Variants in NECTIN3 observed in about 807,000 individuals in gnomAD.
NECTIN3 encodes nectin cell adhesion molecule 3.
A neutral mutation model predicts 49.4 loss-of-function variants in NECTIN3; 8 were observed. That is an observed-to-expected ratio of 0.16 (90% CI 0.10 to 0.29). NECTIN3 has a LOEUF of 0.29. NECTIN3 is among the 10% of genes least tolerant of loss of function. NECTIN3 has a pLI of 1.00. For missense variants in NECTIN3, 581 were observed against 654.6 expected, an observed-to-expected ratio of 0.89 and a Z score of 1.23; for synonymous variants, 277 against 241.1, an observed-to-expected ratio of 1.15 and a Z score of -1.38.
exon 1 of NECTIN3, chr3:111,192,403 T>C (rs1165930678): frequency 6.5e-7 from 1 of 1,535,638 alleles, no homozygotes; most frequent in Admixed American, 2.0e-5. Context: ...GTTGGCAATC[T>C]TCAGCACTCT....
chr3:111,188,938 T>C (rs1322019242), upstream of NECTIN3, among the ~76,000 whole-genome samples: 1 of 152,192 alleles, frequency 6.6e-6, no homozygotes, highest in East Asian at 1.9e-4. Flanking sequence ...AAACACTGTG[T>C]TCCTAGAATA....
At chr3:111,088,496 G>A (rs1472029838) in intron 1 of NECTIN3, among the ~76,000 whole-genome samples, 2 of 151,962 alleles carry the variant, frequency 1.3e-5, no homozygotes, top group East Asian at 1.9e-4. Context: ...AATTTTTATC[G>A]TGACTAGGTA....
intron 1 of NECTIN3, among the ~76,000 whole-genome samples, chr3:111,074,506 A>G (rs573590717): frequency 1.3e-5 from 2 of 152,202 alleles, no homozygotes; most frequent in South Asian, 4.2e-4. Flanking sequence ...TATGTTTGAT[A>G]TATAGCGTGG....
intron 7 of NECTIN3, among the ~76,000 whole-genome samples, chr3:111,186,649 A>T (rs1334146719): frequency 1.3e-5 from 2 of 152,216 alleles, no homozygotes; most frequent in African/African-American, 4.8e-5. Flanking sequence ...CTATGTAACA[A>T]ACCTGCATAT....
At chr3:111,072,576 C>T (rs149176258) in intron 1 of NECTIN3, 33 of 1,535,278 alleles carry the variant, frequency 2.1e-5, no homozygotes, top group Non-Finnish European at 2.9e-5. Context: ...GCTGTGAGCC[C>T]AGAAACCCTA....
chr3:111,091,398 G>A (rs1379368814), intron 1 of NECTIN3, among the ~76,000 whole-genome samples: 5 of 152,102 alleles, frequency 3.3e-5, no homozygotes. Context: ...GGGACTACAG[G>A]CGCCCACTAT....
intron 7 of NECTIN3, among the ~76,000 whole-genome samples, chr3:111,153,919 A>G (rs2035047598): frequency 6.6e-6 from 1 of 152,096 alleles, no homozygotes; most frequent in Non-Finnish European, 1.5e-5. Flanking sequence ...TTGTCTGTGG[A>G]GCTTACATTT....
intron 7 of NECTIN3, among the ~76,000 whole-genome samples, chr3:111,172,715 A>C (rs917130950): frequency 6.6e-6 from 1 of 152,012 alleles, no homozygotes; most frequent in Non-Finnish European, 1.5e-5. Context: ...TCAGGTGAAT[A>C]TTTTTCCTAT....
intron 7 of NECTIN3, among the ~76,000 whole-genome samples, chr3:111,156,973 C>T (rs2035110377): frequency 6.6e-6 from 1 of 152,124 alleles, no homozygotes; most frequent in Non-Finnish European, 1.5e-5. Context: ...CAGTTGGTAA[C>T]TCCATCTTTT....
At chr3:111,092,915 G>A (rs919760934) in intron 1 of NECTIN3, among the ~76,000 whole-genome samples, 1 of 152,138 alleles carries the variant, frequency 6.6e-6, no homozygotes, top group Admixed American at 6.6e-5. Context: ...CATTTTAACA[G>A]TATTAACTGT....
chr3:111,095,218 A>G (rs183465553), intron 1 of NECTIN3, among the ~76,000 whole-genome samples: 6 of 152,322 alleles, frequency 3.9e-5, no homozygotes. Context: ...ACCTATATCT[A>G]TTTTAGAGAC....
At chr3:111,149,527 C>T (rs547127463) in intron 7 of NECTIN3, among the ~76,000 whole-genome samples, 92 of 136,578 alleles carry the variant, frequency 6.7e-4, no homozygotes, top group African/African-American at 2.3e-3. Flanking sequence ...TTTTCTGGTA[C>T]GTATTTTCCA....
At chr3:111,190,949 GA>G, upstream of NECTIN3, among the ~76,000 whole-genome samples, 1 of 152,200 alleles carries the variant, frequency 6.6e-6, no homozygotes, top group African/African-American at 2.4e-5. Context: ...CAAGCCTTGT[GA>G]AAAAAAGAAT....
chr3:111,136,036 A>G lies in NECTIN3; in HGVS notation c.*1821A>G. 1.0e-6 allele frequency: 1 copy of G among 979,708 alleles called. No individual in the cohort carries two copies. Among genetic ancestry groups the G allele is most frequent in the Non-Finnish European group, 1.2e-6 (1 of 824,840 alleles). The allele number at this position is 979,708 out of a possible 1,614,324, so 60.7% of individuals were successfully genotyped here. ...CAAGTTTTTGGAAGAAAACTTTTTG[A>G]TAAAACACTGTGATTGATGTGACTT... is the stretch of plus-strand genomic sequence containing the variant. On this transcript the variant is annotated 3_prime_UTR_variant, in exon 6 of 6. Coordinates refer to ENST00000485303, the MANE Select transcript of NECTIN3 (RefSeq NM_015480.3).
At chr3:111,132,941 T>G (rs1451869148) in intron 5 of NECTIN3, among the ~76,000 whole-genome samples, 6 of 151,964 alleles carry the variant, frequency 3.9e-5, no homozygotes, top group African/African-American at 1.4e-4. Flanking sequence ...CAGGCTAACA[T>G]AAGTTTAAAC....
Position 111,136,228 on chromosome 3 carries a change from A to G in NECTIN3, c.*2013A>G, listed in dbSNP as rs2034570483. 1.0e-6 allele frequency: 1 copy of G among 961,564 alleles called. No individual in the cohort carries two copies. The highest frequency in any genetic ancestry group is 4.8e-5 in the South Asian group (1 of 20,782). The allele number at this position is 961,564 out of a possible 1,614,324, so 59.6% of individuals were successfully genotyped here. On this transcript the variant is annotated 3_prime_UTR_variant, in exon 6 of 6. Transcript: ENST00000485303. ...ACAGAATAATCACATTTAGGATTCTATATAAATCTCAACTGGAGTATAATC... is the reference window on the plus strand; with the variant it reads ...ACAGAATAATCACATTTAGGATTCTGTATAAATCTCAACTGGAGTATAATC...
chr3:111,072,440 G>T lies in NECTIN3; in HGVS notation c.160+263G>T, dbSNP rs895484585. ...TGCGGATGGCCGAGGGTTGGCGATG[G>T]TGCTTCGTGCGCCGAACTCCGGGTT... On this transcript the variant is annotated intron_variant, in intron 1 of 5. Coordinates refer to ENST00000485303, the MANE Select transcript of NECTIN3 (RefSeq NM_015480.3). 2.0e-6 allele frequency: 3 copies of T among 1,534,294 alleles called. No individual in the cohort carries two copies. The African/African-American group carries it at 4.1e-5, about 21-fold the overall frequency.
chr3:111,099,311 A>G (rs2032767754), intron 1 of NECTIN3, among the ~76,000 whole-genome samples: 1 of 152,204 alleles, frequency 6.6e-6, no homozygotes, highest in South Asian at 2.1e-4. Context: ...TCTCATAAGG[A>G]TAATATGTCC....
chr3:111,185,275 C>A (rs568260653), intron 7 of NECTIN3, among the ~76,000 whole-genome samples: 1 of 152,154 alleles, frequency 6.6e-6, no homozygotes, highest in African/African-American at 2.4e-5. Context: ...TCTTACGTCA[C>A]CAGAAAAAAA....
Sources: gnomAD v4.1 joint callset for allele counts (sites outside exome capture counted in the v4.1 genomes callset) on GRCh38, gnomAD v4.1.1 for gene constraint, MANE v1.5 for transcripts, NCBI Gene and HGNC (gene_info 2026-07-23, HGNC 2026-07-21) for gene names.